CST3: variants seen among roughly 807,000 people sequenced by gnomAD.
CST3 encodes the protein cystatin-C.
CST3 carries 14 observed loss-of-function variants against 9.0 expected under a neutral mutation model. That is an observed-to-expected ratio of 1.56 (90% confidence interval 1.03 to 2.44). The LOEUF (loss-of-function observed/expected upper bound fraction) is 2.44, where lower values mean the gene tolerates loss of function less well. Among genes scored for constraint, CST3 ranks in the 30% most tolerant of loss-of-function variants. The pLI is 0.00. For missense variants in CST3, 237 were observed against 204.3 expected, an observed-to-expected ratio of 1.16 and a Z score of -0.98; for synonymous variants, 96 against 90.2, an observed-to-expected ratio of 1.06 and a Z score of -0.37.
At chr20:23,632,977 C>T (rs1164589349), downstream of CST3, among the ~76,000 whole-genome samples, 2 of 152,190 alleles carry the variant, frequency 1.3e-5, no homozygotes, top group Non-Finnish European at 2.9e-5. Context: ...GGACTAACAA[C>T]TTGTTTTAAA....
Position 23,637,669 on chromosome 20 carries a change from T to C in CST3, c.194A>G (p.Asn65Ser). ...FAVGEYNKAS[N>S]DMYHSRALQV... is the part of the protein sequence containing the mutation. ...CAGCGCGCGGCTGTGGTACATGTCG[T>C]TGCTGGCTTTGTTGTACTCGCCGAC... The change falls in exon 1 of 3, where the codon AAC becomes AGC. Residue 65 changes from asparagine to serine, a missense_variant. By Grantham distance (46) the Asn-to-Ser change is conservative (BLOSUM62 1). Coordinates refer to ENST00000376925, the MANE Select transcript of CST3 (RefSeq NM_000099.4). 1 of 1,537,144 alleles carries C rather than the reference T, an allele frequency of 6.5e-7. No homozygotes were observed. The highest frequency in any genetic ancestry group is 1.2e-5 in the South Asian group (1 of 82,448).
At chr20:23,637,559 C>G (rs1396010399) in intron 1 of CST3, 61 bp downstream of exon 1, 3 of 1,399,122 alleles carry the variant, frequency 2.1e-6, no homozygotes, top group African/African-American at 1.5e-5. Flanking sequence ...CCGGGAGCAG[C>G]GCGGGGGGAG....
downstream of CST3, among the ~76,000 whole-genome samples, chr20:23,632,478 G>A (rs11700280): frequency 6.6e-6 from 1 of 152,156 alleles, no homozygotes; most frequent in Non-Finnish European, 1.5e-5. Context: ...TGGCATCCTA[G>A]GGGGTGCTAC....
intron 1 of CST3, among the ~76,000 whole-genome samples, chr20:23,637,329 G>A (rs1979715016): frequency 6.6e-6 from 1 of 152,240 alleles, no homozygotes; most frequent in Non-Finnish European, 1.5e-5. Flanking sequence ...AGCTGTGTGG[G>A]ACGTCCTGTG....
At chr20:23,627,146 T>C (rs1979283180) in exon 4 of CST3, 1 of 152,230 alleles carries the variant, frequency 6.6e-6, no homozygotes, top group African/African-American at 2.4e-5. Context: ...ATTTTCATGA[T>C]CCCTCCAAGG....
At chr20:23,630,264 G>C (rs1979405767), downstream of CST3, among the ~76,000 whole-genome samples, 1 of 152,182 alleles carries the variant, frequency 6.6e-6, no homozygotes, top group Admixed American at 6.5e-5. Context: ...AGCCAAGCTT[G>C]AGACTAGAGT....
downstream of CST3, chr20:23,633,606 C>T (rs900553285): frequency 1.7e-5 from 9 of 536,114 alleles, no homozygotes; most frequent in East Asian, 1.3e-4. Context: ...AAAGGAACTG[C>T]GGAAACCCTG....
At chr20:23,635,133 G>A (rs993466153) in intron 2 of CST3, 121 bp downstream of exon 2, 10 of 868,240 alleles carry the variant, frequency 1.2e-5, no homozygotes, top group East Asian at 5.2e-5. Flanking sequence ...GCATCTCCAC[G>A]TGTACACACA....
At chr20:23,631,010 C>T (rs560492363), downstream of CST3, among the ~76,000 whole-genome samples, 4 of 152,104 alleles carry the variant, frequency 2.6e-5, 1 homozygote, top group South Asian at 4.1e-4. Flanking sequence ...AAATGTTAAA[C>T]GTTGTCAATT....
At chr20:23,636,509 G>A (rs942814109) in intron 1 of CST3, among the ~76,000 whole-genome samples, 1 of 152,178 alleles carries the variant, frequency 6.6e-6, no homozygotes, top group Non-Finnish European at 1.5e-5. Context: ...GTGGTCAGCC[G>A]GCCTGAGGGT....
intron 1 of CST3, among the ~76,000 whole-genome samples, chr20:23,637,200 G>A (rs1368895911): frequency 6.6e-6 from 1 of 152,222 alleles, no homozygotes; most frequent in Non-Finnish European, 1.5e-5. Context: ...AGAAACAAAA[G>A]TGCTTAAAAA....
At chr20:23,628,009 T>C (rs747432411) in exon 4 of CST3, 7 of 152,354 alleles carry the variant, frequency 4.6e-5, no homozygotes, top group South Asian at 4.1e-4. Context: ...ACAAGTTCTA[T>C]ATCAGATATA....
chr20:23,634,477 C>T (rs1979582177), intron 2 of CST3, among the ~76,000 whole-genome samples: 1 of 152,128 alleles, frequency 6.6e-6, no homozygotes, highest in African/African-American at 2.4e-5. Context: ...GCAGAGACGT[C>T]ACAAGAAATC....
downstream of CST3, among the ~76,000 whole-genome samples, chr20:23,632,713 G>T (rs184588258): frequency 8.7e-4 from 132 of 152,300 alleles, no homozygotes; most frequent in Middle Eastern, 3.4e-3. Context: ...AGGTTGGAAG[G>T]TACCTGGGAG....
chr20:23,632,155 A>C (rs1245637271), downstream of CST3: 1 of 152,492 alleles, frequency 6.6e-6, no homozygotes, highest in Admixed American at 6.5e-5. Context: ...CAGGGAAGGA[A>C]GCAGACACAC....
downstream of CST3, chr20:23,628,895 T>C (rs138955478): frequency 6.6e-6 from 1 of 152,322 alleles, no homozygotes; most frequent in East Asian, 1.9e-4. Context: ...TTCCTTGCTG[T>C]CTCTTCAGTT....
At chr20:23,631,017 A>C (rs915061900), downstream of CST3, among the ~76,000 whole-genome samples, 2 of 152,180 alleles carry the variant, frequency 1.3e-5, no homozygotes, top group Non-Finnish European at 2.9e-5. Context: ...AAACGTTGTC[A>C]ATTTTTTTTC....
At chr20:23,630,800 A>T (rs1207353044), downstream of CST3, among the ~76,000 whole-genome samples, 1 of 152,036 alleles carries the variant, frequency 6.6e-6, no homozygotes, top group African/African-American at 2.4e-5. Flanking sequence ...CAAACTCAAT[A>T]GTCTTCTATT....
intron 1 of CST3, among the ~76,000 whole-genome samples, chr20:23,636,055 G>C (rs561267125): frequency 1.1e-3 from 163 of 152,258 alleles, no homozygotes; most frequent in African/African-American, 3.5e-3. Flanking sequence ...AGAAGCACAA[G>C]CAAGGCCTGT....
Sources: gnomAD v4.1 joint callset for allele counts (sites outside exome capture counted in the v4.1 genomes callset) on GRCh38, gnomAD v4.1.1 for gene constraint, MANE v1.5 for transcripts, NCBI Gene and HGNC (gene_info 2026-07-23, HGNC 2026-07-21) for gene names.